CNTNAP2: variants seen among roughly 807,000 people sequenced by gnomAD.
CNTNAP2 encodes the protein contactin-associated protein-like 2.
A neutral mutation model predicts 155.2 loss-of-function variants in CNTNAP2; 98 were observed. That is an observed-to-expected ratio of 0.63 (90% CI 0.54 to 0.75). The LOEUF is 0.75. CNTNAP2 is among the 30% of genes least tolerant of loss of function. The pLI is 0.00. For missense variants in CNTNAP2, 1,727 were observed against 1,688.1 expected, an observed-to-expected ratio of 1.02 and a Z score of -0.40; for synonymous variants, 651 against 631.2, an observed-to-expected ratio of 1.03 and a Z score of -0.47.
intron 11 of CNTNAP2, among the ~76,000 whole-genome samples, chr7:147,504,389 A>G (rs1364921601): frequency 6.6e-6 from 1 of 152,066 alleles, no homozygotes; most frequent in African/African-American, 2.4e-5. Flanking sequence ...ACAGTATATA[A>G]TCATTAAAAA....
intron 3 of CNTNAP2, among the ~76,000 whole-genome samples, chr7:146,996,088 T>A (rs1181759584): frequency 6.6e-6 from 1 of 152,126 alleles, no homozygotes; most frequent in Non-Finnish European, 1.5e-5. Context: ...TTATATATGG[T>A]GAGAAATAAG....
intron 8 of CNTNAP2, among the ~76,000 whole-genome samples, chr7:147,206,692 T>G (rs1803029985): frequency 6.6e-6 from 1 of 152,206 alleles, no homozygotes; most frequent in Non-Finnish European, 1.5e-5. Context: ...AAAGCCTCTT[T>G]GGCAATATAT....
chr7:147,346,735 CTTT>C, intron 9 of CNTNAP2, among the ~76,000 whole-genome samples: 1 of 152,226 alleles, frequency 6.6e-6, no homozygotes, highest in East Asian at 1.9e-4. Flanking sequence ...TTTGTTTCTT[CTTT>C]TTATTTATTT....
chr7:146,607,896 A>G (rs1334686425), intron 1 of CNTNAP2, among the ~76,000 whole-genome samples: 1 of 152,094 alleles, frequency 6.6e-6, no homozygotes, highest in Non-Finnish European at 1.5e-5. Flanking sequence ...TATTCTCTTA[A>G]TATTCTCCTT....
chr7:146,717,749 TATTA>T (rs895979456), intron 1 of CNTNAP2, among the ~76,000 whole-genome samples: 82 of 152,116 alleles, frequency 5.4e-4, no homozygotes, highest in African/African-American at 2.0e-3. Context: ...TAGAAACTTA[TATTA>T]ATTGAGGTTT....
chr7:148,030,840 A>G (rs1802463776), intron 15 of CNTNAP2, among the ~76,000 whole-genome samples: 1 of 152,190 alleles, frequency 6.6e-6, no homozygotes, highest in Non-Finnish European at 1.5e-5. Context: ...ATAAACCTGA[A>G]ATCTGGGAGA....
At chr7:147,391,479 T>C (rs1374327755) in intron 9 of CNTNAP2, among the ~76,000 whole-genome samples, 2 of 152,166 alleles carry the variant, frequency 1.3e-5, no homozygotes, top group Admixed American at 1.3e-4. Flanking sequence ...CAGTACAAGC[T>C]GGTGGTGTTA....
At chr7:147,537,370 CTT>C (rs1584798524) in intron 11 of CNTNAP2, among the ~76,000 whole-genome samples, 1 of 152,080 alleles carries the variant, frequency 6.6e-6, no homozygotes, top group South Asian at 2.1e-4. Flanking sequence ...AGAAAACAAA[CTT>C]AAAAATTATA....
At chr7:148,156,384 C>G (rs546746575) in intron 17 of CNTNAP2, among the ~76,000 whole-genome samples, 86 of 152,238 alleles carry the variant, frequency 5.6e-4, no homozygotes, top group African/African-American at 2.0e-3. Flanking sequence ...TCCTGAAATA[C>G]TTTCTTCCCA....
chr7:147,669,263 A>T (rs990468974), intron 13 of CNTNAP2, among the ~76,000 whole-genome samples: 5 of 152,216 alleles, frequency 3.3e-5, no homozygotes, highest in African/African-American at 1.2e-4. Flanking sequence ...GTTACTTCAT[A>T]TAACAAAATG....
chr7:146,461,165 A>G (rs1466158163), intron 1 of CNTNAP2, among the ~76,000 whole-genome samples: 1 of 152,082 alleles, frequency 6.6e-6, no homozygotes, highest in Non-Finnish European at 1.5e-5. Context: ...GCATTATGGG[A>G]GGCCGAGGTG....
intron 13 of CNTNAP2, among the ~76,000 whole-genome samples, chr7:147,678,461 A>G (rs1795900602): frequency 6.6e-6 from 1 of 151,914 alleles, no homozygotes; most frequent in African/African-American, 2.4e-5. Flanking sequence ...TATTTGCTAT[A>G]TTAATCATAT....
chr7:147,562,519 A>T (rs935300275), intron 12 of CNTNAP2, among the ~76,000 whole-genome samples: 4 of 152,218 alleles, frequency 2.6e-5, no homozygotes, highest in African/African-American at 9.6e-5. Context: ...GGGGAAAAAA[A>T]CAGAAAGTAA....
chr7:147,352,275 A>C (rs746578710), intron 9 of CNTNAP2, among the ~76,000 whole-genome samples: 2 of 151,992 alleles, frequency 1.3e-5, no homozygotes, highest in African/African-American at 2.4e-5. Context: ...AATAGAAATA[A>C]TTTGTAACAC....
chr7:146,524,999 C>A (rs1162583899), intron 1 of CNTNAP2, among the ~76,000 whole-genome samples: 1 of 151,754 alleles, frequency 6.6e-6, no homozygotes, highest in Non-Finnish European at 1.5e-5. Context: ...TGTGAAGTTT[C>A]ATGGGAAAAG....
intron 13 of CNTNAP2, among the ~76,000 whole-genome samples, chr7:147,681,895 G>T (rs971044850): frequency 6.6e-6 from 1 of 151,836 alleles, no homozygotes; most frequent in Non-Finnish European, 1.5e-5. Flanking sequence ...ATCCACTGGG[G>T]TCTTGGAATG....
intron 21 of CNTNAP2, among the ~76,000 whole-genome samples, chr7:148,356,565 A>G (rs1458833562): frequency 6.6e-6 from 1 of 152,252 alleles, no homozygotes; most frequent in Non-Finnish European, 1.5e-5. Flanking sequence ...AGCTCCCTTG[A>G]GAAAGCTCCA....
At chr7:147,167,363 G>A (rs1226648337) in intron 8 of CNTNAP2, 7 of 892,778 alleles carry the variant, frequency 7.8e-6, no homozygotes, top group Admixed American at 7.4e-5. Context: ...AGAATGTTCA[G>A]TACTAAGACA....
chr7:146,367,024 G>A (rs920970860), intron 1 of CNTNAP2, among the ~76,000 whole-genome samples: 1 of 152,078 alleles, frequency 6.6e-6, no homozygotes, highest in Non-Finnish European at 1.5e-5. Flanking sequence ...GAAAATAGCT[G>A]CCTTGAGAAA....
Sources: allele counts gnomAD v4.1 joint callset (sites outside exome capture counted in the v4.1 genomes callset), GRCh38; gene constraint gnomAD v4.1.1; transcripts MANE v1.5; gene names NCBI Gene and HGNC (gene_info 2026-07-23, HGNC 2026-07-21).